Variants in ASB7 observed in about 807,000 individuals in gnomAD.
ASB7 encodes the protein ankyrin repeat and SOCS box protein 7.
In ASB7, 4 loss-of-function variants were observed where a neutral mutation model predicts 32.5. That is an observed-to-expected ratio of 0.12 (90% CI 0.06 to 0.28). ASB7 has a LOEUF of 0.28. ASB7 is among the 10% of genes least tolerant of loss of function. The pLI is 1.00. For synonymous variants in ASB7, 172 were observed against 155.6 expected, an observed-to-expected ratio of 1.11 and a Z score of -0.78; for missense variants, 181 against 407.1, an observed-to-expected ratio of 0.44 and a Z score of 4.78.
At chr15:100,620,222 A>G (rs1386033740) in intron 4 of ASB7, among the ~76,000 whole-genome samples, 1 of 152,230 alleles carries the variant, frequency 6.6e-6, no homozygotes. Context: ...TCATTTTTCA[A>G]TTACTTATAA....
intron 4 of ASB7, among the ~76,000 whole-genome samples, chr15:100,612,785 A>C (rs1038626149): frequency 6.6e-6 from 1 of 152,154 alleles, no homozygotes; most frequent in Non-Finnish European, 1.5e-5. Context: ...TCCCCTGTTG[A>C]TTATTGCTTA....
chr15:100,603,154 C>T (rs993421077), intron 1 of ASB7, 61 bp from the exon 2 acceptor site: 11 of 391,712 alleles, frequency 2.8e-5, no homozygotes, highest in African/African-American at 2.0e-4. Flanking sequence ...AGCCCCTTTC[C>T]TGAGCTCCCC....
rs574291799 is a variant in ASB7, at chr15:100,641,199, C to T, written c.818-7124C>T. On this transcript the variant is annotated intron_variant, in intron 5 of 5. Coordinates refer to ENST00000332783, the MANE Select transcript of ASB7 (RefSeq NM_198243.3). ...CTTTCTCTGCCTTCTCTTCTTCTGC[C>T]ACTGCCCTTCTCTTCCCTTGGCCCT... Among the ~76,000 whole-genome samples, 15 of 152,248 alleles carry T rather than the reference C, an allele frequency of 9.9e-5. No individual in the cohort carries two copies. The East Asian group carries it at 2.9e-3, about 29-fold the overall frequency.
At chr15:100,623,218 G>A (rs961890592) in intron 4 of ASB7, among the ~76,000 whole-genome samples, 4 of 152,154 alleles carry the variant, frequency 2.6e-5, no homozygotes, top group African/African-American at 9.7e-5. Flanking sequence ...GGCCAACATG[G>A]TAAAACCCCA....
intron 5 of ASB7, among the ~76,000 whole-genome samples, chr15:100,647,394 T>G (rs2141409762): frequency 6.6e-6 from 1 of 152,326 alleles, no homozygotes; most frequent in African/African-American, 2.4e-5. Flanking sequence ...TAACAATACA[T>G]GGCGCAGAGT....
intron 2 of ASB7, among the ~76,000 whole-genome samples, chr15:100,609,090 T>C (rs978718194): frequency 8.5e-5 from 13 of 152,338 alleles, no homozygotes; most frequent in African/African-American, 2.9e-4. Context: ...CTTTTAGTTG[T>C]GGAGAGAGTT....
chr15:100,637,717 A>G (rs1224428274), intron 5 of ASB7, among the ~76,000 whole-genome samples: 1 of 152,224 alleles, frequency 6.6e-6, no homozygotes, highest in Non-Finnish European at 1.5e-5. Context: ...ATCAGAGAAG[A>G]TCCAAAGTTA....
In ASB7 at chr15:100,617,978, G is replaced by A. The variant is rs549457500; in HGVS notation, c.211+5551G>A. Among the ~76,000 whole-genome samples, 31 of 152,214 alleles carry A rather than the reference G, an allele frequency of 2.0e-4. 1 individual carries two copies. Among genetic ancestry groups the A allele is most frequent in the South Asian group, 8.3e-4 (4 of 4,816 alleles). On this transcript the variant is annotated intron_variant, in intron 4 of 5. Transcript: ENST00000332783. ...CATCATGCCTCCCCCCACCCCCCAC[G>A]GGGTCTCCCTGTGTCACCCAGGCTG...
At chr15:100,636,616 G>C (rs2039925008) in intron 5 of ASB7, among the ~76,000 whole-genome samples, 1 of 152,106 alleles carries the variant, frequency 6.6e-6, no homozygotes, top group Admixed American at 6.5e-5. Flanking sequence ...CACCCCGCTG[G>C]GATCAGCTTC....
intron 2 of ASB7, among the ~76,000 whole-genome samples, chr15:100,604,926 T>C (rs1053942216): frequency 6.6e-6 from 1 of 152,244 alleles, no homozygotes; most frequent in Non-Finnish European, 1.5e-5. Flanking sequence ...TACTGTGTTT[T>C]GTATTCAAGC....
intron 3 of ASB7, among the ~76,000 whole-genome samples, chr15:100,611,484 C>CTTTTGTTTTTTTTTTTTTTTTTTTTTTTT (rs2039694618): frequency 2.6e-5 from 2 of 77,144 alleles, no homozygotes; most frequent in Non-Finnish European, 4.6e-5. Flanking sequence ...TGTTTCGATT[C>CTTTTGTTTTTTTTTTTTTTTTTTTTTTTT]TTTTTTTTTT....
At chr15:100,608,618 C>T (rs984989672) in intron 2 of ASB7, among the ~76,000 whole-genome samples, 4 of 152,148 alleles carry the variant, frequency 2.6e-5, no homozygotes, top group East Asian at 3.8e-4. Context: ...GTCTTAGAAT[C>T]GGCCATTTGT....
chr15:100,646,032 C>A (rs189550718), intron 5 of ASB7: 16 of 429,420 alleles, frequency 3.7e-5, no homozygotes, highest in African/African-American at 3.1e-4. Context: ...TAGACCAGAT[C>A]CTTAGCATCT....
intron 2 of ASB7, among the ~76,000 whole-genome samples, chr15:100,604,638 A>G (rs988572572): frequency 4.6e-5 from 7 of 152,180 alleles, no homozygotes; most frequent in African/African-American, 1.4e-4. Context: ...GAGACATGGA[A>G]CTGCATGCCA....
In ASB7 at chr15:100,612,430, G is replaced by C; in HGVS notation, c.211+3G>C. The C allele has an allele frequency of 6.3e-7, 1 of 1,598,196 alleles. No individual in the cohort carries two copies. Among genetic ancestry groups the C allele is most frequent in the Non-Finnish European group, 8.6e-7 (1 of 1,165,406 alleles). On this transcript the variant is annotated splice_donor_region_variant and intron_variant, in intron 4 of 5. Transcript: ENST00000332783. ...TCGGGTTTTTCTAGAACACGGAGGTGAGTTTTGTAGAAGCAAATCTTTTTC... is the reference window on the plus strand; with the variant it reads ...TCGGGTTTTTCTAGAACACGGAGGTCAGTTTTGTAGAAGCAAATCTTTTTC...
intron 4 of ASB7, 136 bp downstream of exon 4, chr15:100,612,563 A>C: frequency 1.2e-6 from 1 of 845,810 alleles, no homozygotes; most frequent in Non-Finnish European, 1.9e-6. Context: ...CTTTGTGAAG[A>C]TTTGCTATAA....
At chr15:100,635,282 G>A (rs1597009673) in intron 5 of ASB7, among the ~76,000 whole-genome samples, 1 of 152,212 alleles carries the variant, frequency 6.6e-6, no homozygotes, top group African/African-American at 2.4e-5. Context: ...AATAATTAAT[G>A]GTTGTTTTAA....
At chr15:100,636,448 A>T (rs971753205) in intron 5 of ASB7, among the ~76,000 whole-genome samples, 1 of 152,202 alleles carries the variant, frequency 6.6e-6, no homozygotes, top group Non-Finnish European at 1.5e-5. Context: ...CACTGGGATC[A>T]GGTGTCTCCT....
At chr15:100,607,980 G>T (rs2039661410) in intron 2 of ASB7, among the ~76,000 whole-genome samples, 1 of 152,164 alleles carries the variant, frequency 6.6e-6, no homozygotes, top group Admixed American at 6.5e-5. Flanking sequence ...CATGGAAGTG[G>T]CGGTGGATAG....
Sources: allele counts gnomAD v4.1 joint callset (sites outside exome capture counted in the v4.1 genomes callset), GRCh38; gene constraint gnomAD v4.1.1; transcripts MANE v1.5; gene names NCBI Gene and HGNC (gene_info 2026-07-23, HGNC 2026-07-21).